The following OTOF variants were observed in gnomAD, a reference collection of about 807,000 sequenced individuals.
The protein encoded by OTOF is otoferlin, also known as fer-1-like family member 2.
Under a neutral mutation model 236.8 loss-of-function variants are expected in OTOF, and 218 were observed. The observed-to-expected ratio is 0.92, with a 90% CI of 0.82 to 1.03. OTOF has a LOEUF of 1.03. OTOF is among the 50% of genes least tolerant of loss of function. OTOF has a pLI of 0.00. For synonymous variants in OTOF, 1,041 were observed against 1,072.5 expected, an observed-to-expected ratio of 0.97 and a Z score of 0.57; for missense variants, 2,590 against 2,694.4, an observed-to-expected ratio of 0.96 and a Z score of 0.86.
At chr2:26,484,429 GA>G (rs1231664116) in intron 12 of OTOF, 44 bp downstream of exon 12, 2 of 1,610,170 alleles carry the variant, frequency 1.2e-6, no homozygotes, top group African/African-American at 2.7e-5. Flanking sequence ...CTGGGGGAAG[GA>G]AGGGCTGGCT....
intron 8 of OTOF, among the ~76,000 whole-genome samples, chr2:26,497,340 C>T (rs964162409): frequency 6.6e-6 from 1 of 152,186 alleles, no homozygotes; most frequent in African/African-American, 2.4e-5. Context: ...CGTGATCCAC[C>T]TGCCTTGGCT....
intron 3 of OTOF, among the ~76,000 whole-genome samples, chr2:26,527,395 G>A (rs1666834098): frequency 6.6e-6 from 1 of 152,204 alleles, no homozygotes; most frequent in Admixed American, 6.5e-5. Context: ...AGGCTTGCCT[G>A]ACTCCTAAAC....
At chr2:26,545,535 T>A (rs1231593398) in intron 1 of OTOF, among the ~76,000 whole-genome samples, 1 of 152,112 alleles carries the variant, frequency 6.6e-6, no homozygotes, top group Non-Finnish European at 1.5e-5. Context: ...CCAAAGAGAG[T>A]TTCCAATTTT....
chr2:26,481,672 C>A (rs1665544506), intron 14 of OTOF, among the ~76,000 whole-genome samples: 1 of 152,090 alleles, frequency 6.6e-6, no homozygotes, highest in South Asian at 2.1e-4. Context: ...TTCGTATATT[C>A]ACTGTGCTAT....
rs2148112879 is a variant in OTOF at position 26,527,818 on chromosome 2, C to T, written c.227+14G>A. 1.9e-6 allele frequency: 3 copies of T among 1,590,056 alleles called. No homozygotes were observed. The highest frequency in any genetic ancestry group is 2.2e-5 in the East Asian group (1 of 44,746). ...CGTCCAGGCCCAGCCCCTCCTGCCC[C>T]ATCCCACACTTACTTGTTGCTGAAG... On this transcript the variant is annotated intron_variant, in intron 3 of 46. Coordinates refer to ENST00000272371, the MANE Select transcript of OTOF (RefSeq NM_194248.3).
intron 40 of OTOF, 35 bp downstream of exon 40, chr2:26,463,929 C>A (rs1212296964): frequency 3.1e-6 from 5 of 1,612,940 alleles, no homozygotes; most frequent in East Asian, 4.5e-5. Context: ...GTCCCCAATA[C>A]CCAAGAACCC....
In OTOF at chr2:26,473,488, G is replaced by A. The variant is rs755175941; in HGVS notation, c.3488C>T (p.Ala1163Val). Residue 1163 changes from alanine (A) to valine (V), a missense_variant, in exon 28 of 47, where the codon GCA becomes GTA. This residue lies in a region of OTOF where 1,211 missense variants were observed against 1,352.8 expected (regional missense o/e 0.90). Coordinates refer to ENST00000272371, the MANE Select transcript of OTOF (RefSeq NM_194248.3). The surrounding 1 kb of genome is among the most constrained non-coding windows in gnomAD (Gnocchi z 7.2). ...CAGGGACGACTGCACCCCCTTCCCT[G>A]CACACTCGATGTCCACCCGTGGCCG... ...VDRPRVDIEC[A>V]GKGVQSSLIH... 3.1e-6 allele frequency: 5 copies of A among 1,613,090 alleles called. No homozygotes were observed. The highest frequency in any genetic ancestry group is 2.2e-5 in the East Asian group (1 of 44,876).
intron 1 of OTOF, among the ~76,000 whole-genome samples, chr2:26,542,351 A>G (rs934507797): frequency 6.6e-6 from 1 of 152,210 alleles, no homozygotes; most frequent in Non-Finnish European, 1.5e-5. Flanking sequence ...GGGGAGTTGT[A>G]CTAAGATCAT....
chr2:26,464,309 C>A (rs1053826704), intron 39 of OTOF, among the ~76,000 whole-genome samples: 1 of 152,028 alleles, frequency 6.6e-6, no homozygotes, highest in Non-Finnish European at 1.5e-5. Context: ...CAAGAGAGGT[C>A]TGTGCCCTTG....
At chr2:26,484,751 G>T in intron 11 of OTOF, 118 bp from the exon 12 acceptor site, 1 of 1,005,188 alleles carries the variant, frequency 9.9e-7, no homozygotes, top group South Asian at 1.5e-5. Context: ...AGAGTCCCGG[G>T]ACCTGGGGCC....
intron 5 of OTOF, among the ~76,000 whole-genome samples, chr2:26,508,963 T>A (rs1666317389): frequency 6.6e-6 from 1 of 152,254 alleles, no homozygotes; most frequent in African/African-American, 2.4e-5. Flanking sequence ...TCTCATGTGC[T>A]AATTAGAGAT....
intron 9 of OTOF, among the ~76,000 whole-genome samples, chr2:26,491,067 C>A (rs149882128): frequency 1.3e-5 from 2 of 152,126 alleles, no homozygotes; most frequent in African/African-American, 4.8e-5. Flanking sequence ...CAGGTCAGGG[C>A]TCCAAGAAGA....
chr2:26,461,766 CT>C lies in OTOF; in HGVS notation c.5462del (p.Glu1821GlyfsTer31). ...KESMFSWDET[E>X]YKIPARLTLQ... ...GGGTGAGCCGCGCGGGGATCTTGTA[CT>C]CGGTCTCGTCCCAGGAGAACATGGA... On this transcript the variant is annotated frameshift_variant, in exon 43 of 47. Transcript: ENST00000272371. LOFTEE classifies it high-confidence loss of function. The surrounding 1 kb of genome is among the most constrained non-coding windows in gnomAD (Gnocchi z 6.2). 1 of 1,614,184 alleles carries C rather than the reference CT, an allele frequency of 6.2e-7. No homozygotes were observed. Among genetic ancestry groups the C allele is most frequent in the South Asian group, 1.1e-5 (1 of 91,080 alleles).
intron 11 of OTOF, among the ~76,000 whole-genome samples, chr2:26,485,658 G>A (rs1665681903): frequency 6.6e-6 from 1 of 152,194 alleles, no homozygotes; most frequent in Non-Finnish European, 1.5e-5. Context: ...AACTCTCAGG[G>A]ACTCAGCACC....
In OTOF at chr2:26,519,032, T is replaced by A. The variant is rs774280018; in HGVS notation, c.305A>T (p.Asp102Val). The A allele has an allele frequency of 1.4e-5, 22 of 1,609,604 alleles. No individual in the cohort carries two copies. Among genetic ancestry groups the A allele is most frequent in the Non-Finnish European group, 1.9e-5 (22 of 1,177,486 alleles). ...CACCTTGATGATAGCATTGTTGTCA[T>A]CAATCAGCGTGTCAGTCACCTCCAC... ...SHVEVTDTLIDDNNAIIKTSL... is the reference protein window; with the variant it reads ...SHVEVTDTLIVDNNAIIKTSL... The change falls in exon 4 of 47, where the codon GAT becomes GTT. Residue 102 changes from aspartate (D) to valine (V), a missense_variant. This residue lies in a region of OTOF where 1,379 missense variants were observed against 1,341.6 expected (regional missense o/e 1.03). Transcript: ENST00000272371.
At position 26,544,957 on chromosome 2, in the gene OTOF, C is replaced by A. The variant is rs1420869087; in HGVS notation, c.80-7183G>T. ...TCGGGAGGCTGAAGCAGGAGAATCG[C>A]TTGAACCCGGGAGGCAAAGGTTGCA... On this transcript the variant is annotated intron_variant, in intron 1 of 46. Transcript: ENST00000272371. Among the ~76,000 whole-genome samples the A allele has an allele frequency of 2.0e-5, 3 of 151,632 alleles. No homozygotes were observed. The East Asian group carries it at 5.8e-4, about 29-fold the overall frequency.
At position 26,480,220 on chromosome 2, in the gene OTOF, G is replaced by A. The variant is rs1376034899; in HGVS notation, c.1895C>T (p.Thr632Ile). 1 of 1,610,778 alleles carries A rather than the reference G, an allele frequency of 6.2e-7. No homozygotes were observed. The highest frequency in any genetic ancestry group is 1.1e-5 in the South Asian group (1 of 91,036). ...GCACTCACCTATGGTGACCTCAAAGGTGATGGGCTTGTCTCCGTTTCTCCG... is the reference window on the plus strand; with the variant it reads ...GCACTCACCTATGGTGACCTCAAAGATGATGGGCTTGTCTCCGTTTCTCCG... Reference protein sequence around the residue: ...IDRRNGDKPITFEVTIGNYGN... With the variant: ...IDRRNGDKPIIFEVTIGNYGN... The change falls in exon 16 of 47, where the codon ACC becomes ATC. Residue 632 changes from threonine to isoleucine, a missense_variant. By Grantham distance (89) the Thr-to-Ile change is moderately conservative. Coordinates refer to ENST00000272371, the MANE Select transcript of OTOF (RefSeq NM_194248.3).
rs1040475200 is a variant in OTOF at position 26,499,554 on chromosome 2, T to C, written c.765+2200A>G. Among the ~76,000 whole-genome samples, 5 of 152,176 alleles carry C rather than the reference T, an allele frequency of 3.3e-5. No homozygotes were observed. The East Asian group carries it at 5.8e-4, about 18-fold the overall frequency. ...ACAAGGTCTCCCTCTGTTGCCCAGG[T>C]TGGAGTGCAGTGGTGCGGTCTCGAC... On this transcript the variant is annotated intron_variant, in intron 8 of 46. Coordinates refer to ENST00000272371, the MANE Select transcript of OTOF (RefSeq NM_194248.3).
At chr2:26,550,956 T>C (rs920674935) in intron 1 of OTOF, among the ~76,000 whole-genome samples, 1 of 152,066 alleles carries the variant, frequency 6.6e-6, no homozygotes, top group African/African-American at 2.4e-5. Flanking sequence ...TCTGCACTAG[T>C]GTTAGCCCCT....
Sources: gnomAD v4.1 joint callset for allele counts (sites outside exome capture counted in the v4.1 genomes callset) on GRCh38, gnomAD v4.1.1 for gene constraint, gnomAD v4.1.1 regional missense constraint, Gnocchi (gnomAD v3.1) non-coding constraint, MANE v1.5 for transcripts, NCBI Gene and HGNC (gene_info 2026-07-23, HGNC 2026-07-21) for gene names.